Variants in ARMC3 observed in about 807,000 individuals in gnomAD.
The protein encoded by ARMC3 is armadillo repeat-containing protein 3.
A neutral mutation model predicts 90.3 loss-of-function variants in ARMC3; 74 were observed. The ratio of observed to expected loss-of-function variants is 0.82; its 90% CI spans 0.68 to 0.99. The LOEUF is 0.99. Among genes scored for constraint, ARMC3 ranks in the 50% least tolerant of loss-of-function variants. The pLI is 0.00. For missense variants in ARMC3, 958 were observed against 1,042.8 expected (o/e 0.92, Z 1.12); for synonymous variants, 334 against 361.8 (o/e 0.92, Z 0.87).
At chr10:22,970,258 T>C (rs1015482134) in intron 8 of ARMC3, among the ~76,000 whole-genome samples, 1 of 151,968 alleles carries the variant, frequency 6.6e-6, no homozygotes, top group African/African-American at 2.4e-5. Flanking sequence ...TCAGATGGGA[T>C]GGAGGAGGAG....
At chr10:23,025,677 C>T (rs1838689896) in intron 16 of ARMC3, among the ~76,000 whole-genome samples, 1 of 151,808 alleles carries the variant, frequency 6.6e-6, no homozygotes, top group South Asian at 2.1e-4. Context: ...GAGCTTCTAC[C>T]TCAAGAAACT....
At chr10:22,959,263 C>A (rs1242437284) in intron 5 of ARMC3, 125 bp downstream of exon 5, 9 of 1,311,776 alleles carry the variant, frequency 6.9e-6, no homozygotes, top group Non-Finnish European at 9.6e-6. Context: ...AACCACAGCT[C>A]AATTTTGAGT....
intron 7 of ARMC3, among the ~76,000 whole-genome samples, chr10:22,965,206 C>T (rs1214269290): frequency 1.3e-5 from 2 of 152,168 alleles, no homozygotes; most frequent in South Asian, 2.1e-4. Context: ...TTCCCTTCAA[C>T]CTGAAGAACC....
chr10:23,024,375 G>A (rs187838216), intron 16 of ARMC3, among the ~76,000 whole-genome samples: 81 of 149,318 alleles, frequency 5.4e-4, no homozygotes, highest in Non-Finnish European at 1.0e-3. Flanking sequence ...GAAGGATTAG[G>A]AAGAAAGAGG....
chr10:22,974,078 T>G (rs907181782), intron 8 of ARMC3, among the ~76,000 whole-genome samples: 6 of 152,280 alleles, frequency 3.9e-5, no homozygotes, highest in Middle Eastern at 3.4e-3. Context: ...AATTTTATAT[T>G]AAATGACTTC....
chr10:23,015,080 G>T (rs908232082), intron 16 of ARMC3, among the ~76,000 whole-genome samples: 5 of 151,988 alleles, frequency 3.3e-5, no homozygotes, highest in Admixed American at 1.3e-4. Context: ...CTACATTTTT[G>T]AAAGGGAGAG....
At chr10:22,968,786 G>A (rs995096501) in intron 8 of ARMC3, among the ~76,000 whole-genome samples, 3 of 152,108 alleles carry the variant, frequency 2.0e-5, no homozygotes, top group African/African-American at 7.2e-5. Context: ...ACTGCACCCT[G>A]CCATGTCTTA....
intron 16 of ARMC3, among the ~76,000 whole-genome samples, chr10:23,029,303 T>A (rs190422049): frequency 8.5e-4 from 130 of 152,298 alleles, no homozygotes; most frequent in Non-Finnish European, 1.4e-3. Flanking sequence ...AAACTCATCA[T>A]CAGTAGAGTA....
At chr10:23,035,994 C>T (rs1032566732) in intron 18 of ARMC3, among the ~76,000 whole-genome samples, 4 of 152,204 alleles carry the variant, frequency 2.6e-5, no homozygotes, top group Non-Finnish European at 4.4e-5. Context: ...ACTCCAGAGA[C>T]AGATGCCCTC....
chr10:22,939,029 G>A (rs1423684047), intron 2 of ARMC3, among the ~76,000 whole-genome samples: 1 of 152,146 alleles, frequency 6.6e-6, no homozygotes, highest in African/African-American at 2.4e-5. Context: ...AACTATTTTG[G>A]TAAGTCACTG....
rs545434718 is a variant in ARMC3 at position 23,019,718 on chromosome 10, C to T, written c.2045+10787C>T. Among the ~76,000 whole-genome samples, 11 of 152,234 alleles carry T rather than the reference C, an allele frequency of 7.2e-5. No individual in the cohort carries two copies. The South Asian group carries it at 1.7e-3, about 23-fold the overall frequency. On this transcript the variant is annotated intron_variant, in intron 16 of 18. Coordinates refer to ENST00000298032, the MANE Select transcript of ARMC3 (RefSeq NM_173081.5). ...GGGACTACAGGAATGCACCACCACA[C>T]CCAGCTAATTTTTGTAAGGTTTCGC... is the stretch of plus-strand genomic sequence containing the variant.
At chr10:23,023,033 A>G (rs1404675387) in intron 16 of ARMC3, among the ~76,000 whole-genome samples, 2 of 152,064 alleles carry the variant, frequency 1.3e-5, no homozygotes, top group South Asian at 2.1e-4. Flanking sequence ...ACCAAGAGAC[A>G]TGGACTGGGG....
At chr10:22,961,559 A>G in intron 6 of ARMC3, 1 of 230,346 alleles carries the variant, frequency 4.3e-6, no homozygotes, top group South Asian at 7.2e-5. Context: ...TTGAAGCAGT[A>G]TATCCAAGTG....
At chr10:22,970,356 A>G (rs1437627173) in intron 8 of ARMC3, among the ~76,000 whole-genome samples, 1 of 152,194 alleles carries the variant, frequency 6.6e-6, no homozygotes, top group Non-Finnish European at 1.5e-5. Flanking sequence ...CAGAATGGCC[A>G]ATGACCAGAA....
intron 3 of ARMC3, among the ~76,000 whole-genome samples, chr10:22,948,060 A>T (rs1834608732): frequency 6.6e-6 from 1 of 152,186 alleles, no homozygotes; most frequent in Non-Finnish European, 1.5e-5. Flanking sequence ...TGTTTTAAAT[A>T]AATGATACTT....
In ARMC3 at chr10:22,984,614, G is replaced by A. The variant is rs760721596; in HGVS notation, c.1175+2914G>A. Among the ~76,000 whole-genome samples, 111 of 152,108 alleles carry A rather than the reference G, an allele frequency of 7.3e-4. 1 individual carries two copies. Among genetic ancestry groups the A allele is most frequent in the Non-Finnish European group, 2.1e-4 (14 of 67,966 alleles). The stretch of plus-strand genomic sequence containing the variant: ...CTCAAATATAATAAAATAGTATGAT[G>A]ATGAGCAATTTTAGTAGCAATCATA... On this transcript the variant is annotated intron_variant, in intron 10 of 18. Coordinates refer to ENST00000298032, the MANE Select transcript of ARMC3 (RefSeq NM_173081.5).
intron 10 of ARMC3, among the ~76,000 whole-genome samples, chr10:22,990,954 C>T (rs1836681964): frequency 1.3e-5 from 2 of 151,986 alleles, no homozygotes; most frequent in African/African-American, 4.8e-5. Flanking sequence ...GGTTCCTTTC[C>T]CTAGTCTCCC....
chr10:23,009,366 GCCCTCCCCACCT>G (rs1564392623), intron 16 of ARMC3, among the ~76,000 whole-genome samples: 2 of 152,100 alleles, frequency 1.3e-5, no homozygotes, highest in Non-Finnish European at 2.9e-5. Context: ...TGCTTCCACG[GCCCTCCCCACCT>G]CCCTCACCAT....
intron 2 of ARMC3, among the ~76,000 whole-genome samples, chr10:22,937,162 C>T (rs1001844609): frequency 5.3e-5 from 8 of 152,148 alleles, no homozygotes; most frequent in South Asian, 4.1e-4. Flanking sequence ...CTCGGCCTCC[C>T]AAAGTGCTGT....
Sources: gnomAD v4.1 joint callset for allele counts (sites outside exome capture counted in the v4.1 genomes callset) on GRCh38, gnomAD v4.1.1 for gene constraint, MANE v1.5 for transcripts, NCBI Gene and HGNC (gene_info 2026-07-23, HGNC 2026-07-21) for gene names.